DNER: variants seen among roughly 807,000 people sequenced by gnomAD.
DNER encodes delta/notch like EGF repeat containing.
DNER carries 33 observed loss-of-function variants against 78.2 expected under a neutral mutation model. The ratio of observed to expected loss-of-function variants is 0.42; its 90% CI spans 0.32 to 0.56. The LOEUF is 0.56. Among genes scored for constraint, DNER ranks in the 20% least tolerant of loss-of-function variants. The probability of loss-of-function intolerance (pLI) is 0.11; values close to 1 mark genes in which losing one functional copy is unlikely to be tolerated. For missense variants in DNER, 918 were observed against 975.3 expected (o/e 0.94, Z 0.78); for synonymous variants, 417 against 384.8 (o/e 1.08, Z -0.98).
At chr2:229,683,838 G>T (rs1699429867) in intron 1 of DNER, among the ~76,000 whole-genome samples, 1 of 152,152 alleles carries the variant, frequency 6.6e-6, no homozygotes, top group African/African-American at 2.4e-5. Flanking sequence ...GGGGGCTGGG[G>T]GCTGGGGGCT....
At chr2:229,423,479 G>T (rs1439085630) in intron 8 of DNER, among the ~76,000 whole-genome samples, 1 of 151,972 alleles carries the variant, frequency 6.6e-6, no homozygotes, top group African/African-American at 2.4e-5. Context: ...GCCAGGCGTG[G>T]TGGTGGGCGC....
intron 8 of DNER, among the ~76,000 whole-genome samples, chr2:229,442,527 A>C (rs1694257452): frequency 6.6e-6 from 1 of 152,058 alleles, no homozygotes. Flanking sequence ...AAAAAAAAAA[A>C]AATGCTGGTA....
intron 1 of DNER, among the ~76,000 whole-genome samples, chr2:229,614,412 C>T (rs961751228): frequency 2.6e-5 from 4 of 152,088 alleles, no homozygotes; most frequent in African/African-American, 9.7e-5. Context: ...ATGGAATGTT[C>T]GTTTCTCAAG....
At chr2:229,371,976 G>T (rs1387091813) in intron 11 of DNER, among the ~76,000 whole-genome samples, 1 of 152,182 alleles carries the variant, frequency 6.6e-6, no homozygotes, top group Non-Finnish European at 1.5e-5. Flanking sequence ...TATAGTTAAA[G>T]GTTAGCAGGA....
Position 229,547,086 on chromosome 2 carries a change from A to G in DNER, c.854T>C (p.Val285Ala). The change falls in exon 5 of 13, where the codon GTG (valine) becomes GCG (alanine). Residue 285 changes from valine (V) to alanine (A), a missense_variant. Physicochemically the swap from Val to Ala is moderately conservative, Grantham distance 64. Transcript: ENST00000341772. ...AATAGACTTAGTCACAGAATCATTCACAAAACCTAAAAGAAAATGAGGCAA... is the reference window on the plus strand; with the variant it reads ...AATAGACTTAGTCACAGAATCATTCGCAAAACCTAAAAGAAAATGAGGCAA... The part of the protein sequence containing the change: ...ALGNNHFIGF[V>A]NDSVTKSIVA... 1 of 1,614,010 alleles carries G rather than the reference A, an allele frequency of 6.2e-7. No homozygotes were observed. Among genetic ancestry groups the G allele is most frequent in the Non-Finnish European group, 8.5e-7 (1 of 1,179,964 alleles).
At chr2:229,402,342 A>G (rs1693285233) in intron 10 of DNER, among the ~76,000 whole-genome samples, 1 of 152,204 alleles carries the variant, frequency 6.6e-6, no homozygotes, top group Admixed American at 6.5e-5. Context: ...TTGAAAAGAT[A>G]ATTCACAAGT....
chr2:229,559,141 T>C (rs1696909953), intron 4 of DNER, among the ~76,000 whole-genome samples: 1 of 152,168 alleles, frequency 6.6e-6, no homozygotes, highest in Non-Finnish European at 1.5e-5. Flanking sequence ...TTTCCATCGT[T>C]AGTGTACTAA....
intron 6 of DNER, among the ~76,000 whole-genome samples, chr2:229,509,136 G>A (rs1013938292): frequency 6.6e-6 from 1 of 151,926 alleles, no homozygotes; most frequent in African/African-American, 2.4e-5. Flanking sequence ...CCACAGACCG[G>A]GTGTTATCAT....
In DNER at chr2:229,714,524, C is replaced by A. The variant is rs1420719402; in HGVS notation, c.-101G>T. 1 of 1,049,540 alleles carries A rather than the reference C, an allele frequency of 9.5e-7. No homozygotes were observed. The highest frequency in any genetic ancestry group is 4.4e-4 in the Middle Eastern group (1 of 2,258). 65.0% of individuals were successfully genotyped at this position (1,049,540 alleles called of 1,614,324 possible). ...GCGAGAGCGACGGTGGCGGCTAGGG[C>A]TGCTCCGCCGGGCCGGGCGCCTCCT... is the stretch of plus-strand genomic sequence containing the variant. On this transcript the variant is annotated 5_prime_UTR_variant, in exon 1 of 13. Transcript: ENST00000341772.
chr2:229,548,581 G>A (rs931214066), intron 4 of DNER, among the ~76,000 whole-genome samples: 1 of 152,078 alleles, frequency 6.6e-6, no homozygotes, highest in Admixed American at 6.5e-5. Flanking sequence ...ATCACACACT[G>A]GGGCCTGTCA....
At chr2:229,684,063 T>C (rs1216394571) in intron 1 of DNER, among the ~76,000 whole-genome samples, 1 of 151,824 alleles carries the variant, frequency 6.6e-6, no homozygotes, top group Non-Finnish European at 1.5e-5. Flanking sequence ...GTAACCATTT[T>C]CCAGATGCTG....
At position 229,515,665 on chromosome 2, in the gene DNER, C is replaced by CAG. The variant is rs377253189; in HGVS notation, c.994-2731_994-2730dup. On this transcript the variant is annotated intron_variant, in intron 5 of 12. Coordinates refer to ENST00000341772, the MANE Select transcript of DNER (RefSeq NM_139072.4). ...TTTTTTTATTTTTTTTTTTTTGAGA[C>CAG]AGTCTCACTCTGTCACCCAGGCTGG... is the stretch of plus-strand genomic sequence containing the variant. Among the ~76,000 whole-genome samples the CAG allele has an allele frequency of 4.4e-3, 541 of 123,186 alleles. 6 individuals carry two copies. Among genetic ancestry groups the CAG allele is most frequent in the African/African-American group, 0.016 (515 of 32,352 alleles). 80.8% of individuals were successfully genotyped at this position (123,186 alleles called of 152,430 possible). A position where few individuals can be genotyped will look rare whatever the true frequency, so the allele number is the denominator to read the frequency against.
chr2:229,565,083 G>A (rs554970119), intron 4 of DNER, among the ~76,000 whole-genome samples: 4 of 152,122 alleles, frequency 2.6e-5, no homozygotes, highest in East Asian at 1.9e-4. Flanking sequence ...CCTCATATTC[G>A]GTGTTAGGAT....
At chr2:229,555,871 T>G (rs1696846904) in intron 4 of DNER, among the ~76,000 whole-genome samples, 1 of 152,216 alleles carries the variant, frequency 6.6e-6, no homozygotes, top group African/African-American at 2.4e-5. Flanking sequence ...CTACCAGTTC[T>G]TATTCCAAGT....
At chr2:229,522,371 T>G (rs1054732495) in intron 5 of DNER, among the ~76,000 whole-genome samples, 14 of 152,340 alleles carry the variant, frequency 9.2e-5, no homozygotes, top group Middle Eastern at 3.4e-3. Context: ...GCATACAATT[T>G]ACATGTAATC....
At chr2:229,499,657 G>C (rs757483161) in intron 6 of DNER, among the ~76,000 whole-genome samples, 2 of 151,302 alleles carry the variant, frequency 1.3e-5, no homozygotes, top group Non-Finnish European at 2.9e-5. Flanking sequence ...AATTGTCTGT[G>C]CAATGATTTT....
At chr2:229,597,934 GT>G (rs762116741) in intron 1 of DNER, among the ~76,000 whole-genome samples, 1 of 152,208 alleles carries the variant, frequency 6.6e-6, no homozygotes, top group Non-Finnish European at 1.5e-5. Context: ...CTGAGCGAGG[GT>G]GCCAGCCTCT....
chr2:229,376,072 T>C (rs1692592204), intron 11 of DNER, among the ~76,000 whole-genome samples: 1 of 152,236 alleles, frequency 6.6e-6, no homozygotes, highest in Non-Finnish European at 1.5e-5. Context: ...TTTGCCGTGC[T>C]TGTAAGTTTC....
intron 1 of DNER, among the ~76,000 whole-genome samples, chr2:229,654,260 A>T (rs1698873889): frequency 6.6e-6 from 1 of 152,156 alleles, no homozygotes; most frequent in African/African-American, 2.4e-5. Context: ...TAGGATCTAG[A>T]ACTAGAAATA....
Sources: allele counts gnomAD v4.1 joint callset (sites outside exome capture counted in the v4.1 genomes callset), GRCh38; gene constraint gnomAD v4.1.1; transcripts MANE v1.5; gene names NCBI Gene and HGNC (gene_info 2026-07-23, HGNC 2026-07-21).